The following NLGN1 variants were observed in gnomAD, a reference collection of about 807,000 sequenced individuals.
NLGN1 encodes the protein neuroligin-1.
Under a neutral mutation model 65.5 loss-of-function variants are expected in NLGN1, and 12 were observed. The ratio of observed to expected loss-of-function variants is 0.18; its 90% CI spans 0.12 to 0.30. The LOEUF (loss-of-function observed/expected upper bound fraction) is 0.30, where lower values mean the gene tolerates loss of function less well. NLGN1 is among the 10% of genes least tolerant of loss of function. The probability of loss-of-function intolerance (pLI) is 1.00; values close to 1 mark genes in which losing one functional copy is unlikely to be tolerated. For missense variants in NLGN1, 750 were observed against 1,007.1 expected (o/e 0.74, Z 3.46); for synonymous variants, 350 against 359.5 (o/e 0.97, Z 0.30).
chr3:173,691,373 C>T (rs2149825485), intron 3 of NLGN1, among the ~76,000 whole-genome samples: 1 of 152,084 alleles, frequency 6.6e-6, no homozygotes, highest in East Asian at 1.9e-4. Context: ...AATTAATATC[C>T]TTCTGAATTC....
At chr3:173,582,302 T>A (rs1350798998) in intron 2 of NLGN1, among the ~76,000 whole-genome samples, 1 of 152,056 alleles carries the variant, frequency 6.6e-6, no homozygotes, top group Non-Finnish European at 1.5e-5. Context: ...TTCTCTCTCC[T>A]ACTGTTTTTT....
intron 3 of NLGN1, among the ~76,000 whole-genome samples, chr3:173,611,928 G>C (rs1001120245): frequency 2.0e-5 from 3 of 151,890 alleles, no homozygotes; most frequent in Admixed American, 6.6e-5. Flanking sequence ...TTCTCCTACC[G>C]TATGTAATAT....
chr3:174,109,373 C>T (rs1287005821), intron 4 of NLGN1, among the ~76,000 whole-genome samples: 6 of 151,948 alleles, frequency 3.9e-5, no homozygotes, highest in Admixed American at 3.9e-4. Context: ...CTAGTTTGCA[C>T]GTAAAGTCAC....
At chr3:173,599,279 A>G (rs1039888242) in intron 2 of NLGN1, among the ~76,000 whole-genome samples, 2 of 152,148 alleles carry the variant, frequency 1.3e-5, no homozygotes, top group African/African-American at 4.8e-5. Flanking sequence ...TATACATTGG[A>G]CAGCTTTATT....
intron 4 of NLGN1, among the ~76,000 whole-genome samples, chr3:174,160,468 C>T (rs1365318745): frequency 6.6e-6 from 1 of 151,490 alleles, no homozygotes; most frequent in Non-Finnish European, 1.5e-5. Flanking sequence ...TTCTTATTTA[C>T]AATAAAGAAT....
chr3:173,966,789 G>C (rs1352872982), intron 4 of NLGN1, among the ~76,000 whole-genome samples: 3 of 152,134 alleles, frequency 2.0e-5, no homozygotes, highest in Non-Finnish European at 2.9e-5. Flanking sequence ...TTGCACTCTT[G>C]GTAATAGACC....
intron 3 of NLGN1, among the ~76,000 whole-genome samples, chr3:173,646,319 C>T (rs892879818): frequency 2.0e-5 from 3 of 152,144 alleles, no homozygotes; most frequent in Non-Finnish European, 4.4e-5. Context: ...TAGGACTAAT[C>T]GTTTCCTGCT....
intron 4 of NLGN1, among the ~76,000 whole-genome samples, chr3:174,267,781 C>A (rs1161635667): frequency 1.3e-5 from 2 of 152,090 alleles, no homozygotes; most frequent in Non-Finnish European, 2.9e-5. Flanking sequence ...AATTATTAGT[C>A]TTCATGTGTT....
chr3:173,874,331 C>G (rs1022143101), intron 4 of NLGN1, among the ~76,000 whole-genome samples: 1 of 152,096 alleles, frequency 6.6e-6, no homozygotes, highest in East Asian at 1.9e-4. Flanking sequence ...CTATGGATCC[C>G]TTCTCAAAGT....
intron 3 of NLGN1, among the ~76,000 whole-genome samples, chr3:173,731,226 C>T (rs1300238635): frequency 6.6e-6 from 1 of 151,912 alleles, no homozygotes; most frequent in Non-Finnish European, 1.5e-5. Context: ...TCATTTTATT[C>T]TTGAGTTCTG....
intron 4 of NLGN1, among the ~76,000 whole-genome samples, chr3:173,887,498 G>A (rs1399964176): frequency 6.6e-6 from 1 of 151,830 alleles, no homozygotes; most frequent in East Asian, 1.9e-4. Flanking sequence ...AGAGGTCTTG[G>A]AAAATGTTAT....
At chr3:173,686,284 AT>A (rs1479793616) in intron 3 of NLGN1, among the ~76,000 whole-genome samples, 2 of 151,682 alleles carry the variant, frequency 1.3e-5, no homozygotes, top group Non-Finnish European at 2.9e-5. Flanking sequence ...AAAAAAAAAA[AT>A]CAAAACAGAA....
rs1157069130 is a variant in NLGN1 at position 173,867,213 on chromosome 3, A to T, written c.646+59381A>T. On this transcript the variant is annotated intron_variant, in intron 4 of 6. Coordinates refer to ENST00000457714, the Ensembl canonical transcript of NLGN1. ...CAGAGATGATATCAGATTACAGTGC[A>T]GCAGTTAATTTTCTCTCCAAAATTT... Among the ~76,000 whole-genome samples the T allele has an allele frequency of 2.6e-5, 4 of 152,322 alleles. 1 individual carries two copies. In the East Asian group the frequency reaches 7.7e-4, roughly 29 times the overall value.
intron 1 of NLGN1, among the ~76,000 whole-genome samples, chr3:173,415,652 A>G (rs905459397): frequency 6.6e-6 from 1 of 152,216 alleles, no homozygotes; most frequent in Non-Finnish European, 1.5e-5. Context: ...CAATAGGTCA[A>G]AGTCTGAAAA....
chr3:173,439,676 T>C (rs906127982), intron 2 of NLGN1, among the ~76,000 whole-genome samples: 2 of 152,134 alleles, frequency 1.3e-5, no homozygotes, highest in African/African-American at 4.8e-5. Flanking sequence ...GTTTACACTA[T>C]ATTGTAGTCA....
At chr3:173,502,929 ATAAAC>A (rs1731394268) in intron 2 of NLGN1, among the ~76,000 whole-genome samples, 1 of 152,142 alleles carries the variant, frequency 6.6e-6, no homozygotes, top group African/African-American at 2.4e-5. Flanking sequence ...CTGTAGTTAC[ATAAAC>A]TAAAGTTGAA....
intron 4 of NLGN1, among the ~76,000 whole-genome samples, chr3:173,824,504 TA>T (rs1286381212): frequency 6.6e-6 from 1 of 152,046 alleles, no homozygotes; most frequent in African/African-American, 2.4e-5. Context: ...ACAACAAAAG[TA>T]AACAAAGGTG....
At chr3:173,680,041 G>T (rs1253761805) in intron 3 of NLGN1, among the ~76,000 whole-genome samples, 3 of 152,198 alleles carry the variant, frequency 2.0e-5, no homozygotes, top group East Asian at 3.9e-4. Context: ...TGGAGAAAAA[G>T]AAATAAATGA....
intron 4 of NLGN1, among the ~76,000 whole-genome samples, chr3:174,269,892 G>A (rs543894008): frequency 6.6e-6 from 1 of 151,692 alleles, no homozygotes; most frequent in South Asian, 2.1e-4. Context: ...TCACAGTGTG[G>A]GTTTGATTTG....
Sources: allele counts gnomAD v4.1 joint callset (sites outside exome capture counted in the v4.1 genomes callset), GRCh38; gene constraint gnomAD v4.1.1; transcripts MANE v1.5; gene names NCBI Gene and HGNC (gene_info 2026-07-23, HGNC 2026-07-21).